Variants in RYR2 observed in about 807,000 individuals in gnomAD.
RYR2 encodes ryanodine receptor 2.
In RYR2, 227 loss-of-function variants were observed where a neutral mutation model predicts 601.1. The observed-to-expected ratio is 0.38, with a 90% CI of 0.34 to 0.42. The LOEUF is 0.42. Among genes scored for constraint, RYR2 ranks in the 10% least tolerant of loss-of-function variants. RYR2 has a pLI of 1.00. For missense variants in RYR2, 4,646 were observed against 6,156.5 expected (o/e 0.75, Z 8.21); for synonymous variants, 2,223 against 2,175.1 (o/e 1.02, Z -0.61).
At position 237,248,100 on chromosome 1, in the gene RYR2, T is replaced by C. The variant is rs529681496; in HGVS notation, c.49-22397T>C. On this transcript the variant is annotated intron_variant, in intron 1 of 104. Coordinates refer to ENST00000366574, the MANE Select transcript of RYR2 (RefSeq NM_001035.3). ...CAGCCTGGGTAACATGGTGAAACCC[T>C]GTCTCTACTAAAAATACAAAAATGA... 9.2e-5 allele frequency among the ~76,000 whole-genome samples: 14 copies of C among 152,110 alleles called. No individual in the cohort carries two copies. The South Asian group carries it at 1.2e-3, about 14-fold the overall frequency.
intron 101 of RYR2, among the ~76,000 whole-genome samples, chr1:237,827,842 C>T (rs1663310656): frequency 7.1e-6 from 1 of 141,048 alleles, no homozygotes; most frequent in Non-Finnish European, 1.5e-5. Context: ...GAGGCTGAAG[C>T]AGGAGAATGG....
At chr1:237,732,174 G>T in intron 78 of RYR2, 25 bp downstream of exon 78, 1 of 1,369,456 alleles carries the variant, frequency 7.3e-7, no homozygotes, top group South Asian at 1.2e-5. Context: ...GTTCCTATGA[G>T]ACATAGGAGG....
chr1:237,657,302 T>C (rs1201262645), intron 53 of RYR2, among the ~76,000 whole-genome samples: 1 of 152,162 alleles, frequency 6.6e-6, no homozygotes, highest in Admixed American at 6.5e-5. Context: ...AAGTTAATAC[T>C]TTAATAAGAT....
chr1:237,174,535 AC>A (rs918187702), intron 1 of RYR2, among the ~76,000 whole-genome samples: 2 of 151,834 alleles, frequency 1.3e-5, no homozygotes, highest in African/African-American at 4.8e-5. Context: ...CACTACCCCA[AC>A]CCCTGACCTC....
intron 87 of RYR2, among the ~76,000 whole-genome samples, chr1:237,773,935 G>A (rs1694456788): frequency 6.6e-6 from 1 of 152,172 alleles, no homozygotes; most frequent in Non-Finnish European, 1.5e-5. Context: ...ATTAAGGAAG[G>A]AAGGGCGAGC....
At chr1:237,772,838 C>T (rs1694377077) in intron 86 of RYR2, among the ~76,000 whole-genome samples, 1 of 151,814 alleles carries the variant, frequency 6.6e-6, no homozygotes, top group South Asian at 2.1e-4. Flanking sequence ...AGAAGTGTTG[C>T]TGAAAACACA....
intron 38 of RYR2, among the ~76,000 whole-genome samples, chr1:237,618,677 C>G (rs1678751286): frequency 6.6e-6 from 1 of 152,122 alleles, no homozygotes; most frequent in Non-Finnish European, 1.5e-5. Flanking sequence ...AACTGCACTA[C>G]TGAAGCCAAA....
chr1:237,674,889 T>C, intron 60 of RYR2, 43 bp downstream of exon 60: 1 of 1,108,528 alleles, frequency 9.0e-7, no homozygotes, highest in South Asian at 1.4e-5. Context: ...GTGTTTGTTG[T>C]TTTTAATGTT....
At chr1:237,408,055 T>A (rs1704086080) in intron 10 of RYR2, among the ~76,000 whole-genome samples, 1 of 152,176 alleles carries the variant, frequency 6.6e-6, no homozygotes, top group South Asian at 2.1e-4. Context: ...GATCAGAGGT[T>A]TTTAATTTTA....
intron 29 of RYR2, among the ~76,000 whole-genome samples, chr1:237,587,219 G>A (rs1297530239): frequency 6.6e-6 from 1 of 152,070 alleles, no homozygotes; most frequent in Non-Finnish European, 1.5e-5. Context: ...AGTTTAAGTT[G>A]ATTTGGAGGA....
intron 1 of RYR2, among the ~76,000 whole-genome samples, chr1:237,166,951 T>C (rs1446449114): frequency 2.0e-5 from 3 of 152,222 alleles, no homozygotes; most frequent in Non-Finnish European, 2.9e-5. Flanking sequence ...TAAATGCTTT[T>C]GTTTGGGTTT....
intron 1 of RYR2, among the ~76,000 whole-genome samples, chr1:237,056,460 CACTGCACCTGTGAGGACTAGAG>C (rs1433827147): frequency 6.7e-4 from 94 of 139,326 alleles, no homozygotes; most frequent in South Asian, 1.2e-3. Context: ...AGGACTGGAG[CACTGCACCTGTGAGGACTAGAG>C]ACTGCACCTG....
At chr1:237,727,421 C>T (rs1437752506) in intron 76 of RYR2, among the ~76,000 whole-genome samples, 5 of 152,080 alleles carry the variant, frequency 3.3e-5, no homozygotes, top group African/African-American at 1.2e-4. Context: ...AATATCTGCT[C>T]ACATATGTGA....
chr1:237,256,227 TGTA>T (rs1321797683), intron 1 of RYR2, among the ~76,000 whole-genome samples: 3 of 152,174 alleles, frequency 2.0e-5, no homozygotes, highest in African/African-American at 7.2e-5. Flanking sequence ...CCTGCCGCCG[TGTA>T]AGATGTGCCT....
chr1:237,506,692 T>A lies in RYR2; in HGVS notation c.2614-18T>A, dbSNP rs1182341785. 3.1e-6 allele frequency: 5 copies of A among 1,590,492 alleles called. No homozygotes were observed. Among genetic ancestry groups the A allele is most frequent in the Non-Finnish European group, 4.3e-6 (5 of 1,164,430 alleles). On this transcript the variant is annotated intron_variant, in intron 22 of 104. Transcript: ENST00000366574. Reference sequence around the variant, plus strand: ...GCATTTGTTTCTGATGTGTCTTTTTTCTTTTTGTAAATTTTAGATCGTGTT... The same window carrying A: ...GCATTTGTTTCTGATGTGTCTTTTTACTTTTTGTAAATTTTAGATCGTGTT...
chr1:237,314,542 G>A (rs1694921169), intron 2 of RYR2, among the ~76,000 whole-genome samples: 1 of 152,170 alleles, frequency 6.6e-6, no homozygotes, highest in Non-Finnish European at 1.5e-5. Context: ...ATTTGTATAT[G>A]CTATGACAAA....
intron 19 of RYR2, among the ~76,000 whole-genome samples, chr1:237,495,457 T>G (rs565675852): frequency 6.6e-6 from 1 of 152,332 alleles, no homozygotes; most frequent in East Asian, 1.9e-4. Context: ...CATATTAAAT[T>G]ATGTTACCTC....
At chr1:237,109,286 T>C (rs1464569097) in intron 1 of RYR2, among the ~76,000 whole-genome samples, 1 of 151,962 alleles carries the variant, frequency 6.6e-6, no homozygotes, top group South Asian at 2.1e-4. Context: ...GTCCCATGAA[T>C]GCTTCCAGTT....
At chr1:237,448,880 T>G (rs1349334646) in intron 14 of RYR2, among the ~76,000 whole-genome samples, 1 of 152,150 alleles carries the variant, frequency 6.6e-6, no homozygotes, top group East Asian at 1.9e-4. Flanking sequence ...AGTGCATTTC[T>G]TTTAAGCAAT....
Sources: allele counts gnomAD v4.1 joint callset (sites outside exome capture counted in the v4.1 genomes callset), GRCh38; gene constraint gnomAD v4.1.1; transcripts MANE v1.5; gene names NCBI Gene and HGNC (gene_info 2026-07-23, HGNC 2026-07-21).